The following MCTP2 variants were observed in gnomAD, a reference collection of about 807,000 sequenced individuals.
MCTP2 encodes multiple C2 and transmembrane domain containing 2, also known as multiple C2 and transmembrane domain-containing protein 2.
A neutral mutation model predicts 111.6 loss-of-function variants in MCTP2; 132 were observed. The ratio of observed to expected loss-of-function variants is 1.18; its 90% CI spans 1.03 to 1.37. The LOEUF (loss-of-function observed/expected upper bound fraction) is 1.37. Among genes scored for constraint, MCTP2 ranks in the 40% most tolerant of loss-of-function variants. MCTP2 has a pLI of 0.00. For missense variants in MCTP2, 1,183 were observed against 1,067.9 expected, an observed-to-expected ratio of 1.11 and a Z score of -1.50; for synonymous variants, 395 against 387.7, an observed-to-expected ratio of 1.02 and a Z score of -0.22.
chr15:94,244,754 C>T (rs891109816), intron 1 of MCTP2, among the ~76,000 whole-genome samples: 1 of 144,922 alleles, frequency 6.9e-6, no homozygotes, highest in Admixed American at 6.7e-5. Context: ...ACATATGCAC[C>T]TATGTTTATA....
intron 8 of MCTP2, among the ~76,000 whole-genome samples, chr15:94,354,918 T>C (rs1424424459): frequency 6.6e-6 from 1 of 152,226 alleles, no homozygotes; most frequent in Non-Finnish European, 1.5e-5. Context: ...GGAATGAATA[T>C]ATAGTGTTAG....
intron 1 of MCTP2, chr15:94,274,119 G>C (rs2074058605): frequency 6.1e-6 from 1 of 163,344 alleles, no homozygotes; most frequent in Non-Finnish European, 1.5e-5. Context: ...TGTTACCACT[G>C]GTTCAGTGAA....
At chr15:94,307,670 C>T (rs1487644066) in intron 2 of MCTP2, among the ~76,000 whole-genome samples, 7 of 152,216 alleles carry the variant, frequency 4.6e-5, no homozygotes, top group Non-Finnish European at 8.8e-5. Flanking sequence ...CGTTGGCACA[C>T]GGGCAGTGCT....
At chr15:94,390,110 A>ATATATG (rs2080856187) in intron 14 of MCTP2, among the ~76,000 whole-genome samples, 1 of 32,552 alleles carries the variant, frequency 3.1e-5, no homozygotes, top group Admixed American at 3.1e-4. Flanking sequence ...ATATATATAT[A>ATATATG]TATGTATATA....
At chr15:94,314,785 A>T (rs1272547108) in intron 3 of MCTP2, 5 of 456,850 alleles carry the variant, frequency 1.1e-5, no homozygotes, top group African/African-American at 6.0e-5. Context: ...ATACATATTC[A>T]AAAACAGACT....
chr15:94,257,994 C>G (rs964748815), intron 1 of MCTP2, among the ~76,000 whole-genome samples: 1 of 147,500 alleles, frequency 6.8e-6, no homozygotes, highest in African/African-American at 2.5e-5. Flanking sequence ...AAGCAATTCT[C>G]TTGTGTCAGC....
intron 10 of MCTP2, among the ~76,000 whole-genome samples, chr15:94,358,853 A>C (rs116721148): frequency 3.9e-4 from 59 of 152,334 alleles, no homozygotes; most frequent in African/African-American, 1.4e-3. Flanking sequence ...TATCTAAATA[A>C]AGTTAAGCTG....
chr15:94,400,368 G>A lies in MCTP2; in HGVS notation c.1965+373G>A, dbSNP rs867104614. On this transcript the variant is annotated intron_variant, in intron 16 of 22. Transcript: ENST00000357742. Reference sequence around the variant, plus strand: ...GTCCTCTGCCCTTTGAAGTTTCAGGGAGGTGCAGTGTGTGGAGTCAATCAC... The same window carrying A: ...GTCCTCTGCCCTTTGAAGTTTCAGGAAGGTGCAGTGTGTGGAGTCAATCAC... Among the ~76,000 whole-genome samples the A allele has an allele frequency of 2.6e-5, 4 of 152,224 alleles. No homozygotes were observed. The Middle Eastern group carries it at 0.014, about 518-fold the overall frequency.
chr15:94,448,641 A>G (rs1160250061), intron 19 of MCTP2, among the ~76,000 whole-genome samples: 1 of 152,238 alleles, frequency 6.6e-6, no homozygotes, highest in African/African-American at 2.4e-5. Context: ...TCTGAAATCC[A>G]GAACACTTCT....
chr15:94,331,527 G>A (rs962825868), intron 4 of MCTP2, among the ~76,000 whole-genome samples: 2 of 152,154 alleles, frequency 1.3e-5, no homozygotes, highest in African/African-American at 2.4e-5. Context: ...GGAAGAATCC[G>A]AAGACCCAGG....
chr15:94,297,459 C>T (rs1296709483), intron 1 of MCTP2, among the ~76,000 whole-genome samples: 1 of 152,130 alleles, frequency 6.6e-6, no homozygotes, highest in Non-Finnish European at 1.5e-5. Context: ...ACAAAACTCA[C>T]ATTTTTATAA....
chr15:94,300,325 C>T (rs1000756810), intron 2 of MCTP2, among the ~76,000 whole-genome samples: 26 of 151,918 alleles, frequency 1.7e-4, no homozygotes, highest in African/African-American at 3.1e-4. Context: ...CTAGCTAACA[C>T]GGTGAAACCC....
intron 1 of MCTP2, among the ~76,000 whole-genome samples, chr15:94,249,828 G>A (rs1028644576): frequency 2.6e-5 from 4 of 152,088 alleles, no homozygotes; most frequent in Non-Finnish European, 4.4e-5. Flanking sequence ...GCTGTCATGA[G>A]TTGATCTGAG....
At chr15:94,369,764 G>C (rs1334421249) in intron 11 of MCTP2, among the ~76,000 whole-genome samples, 1 of 152,160 alleles carries the variant, frequency 6.6e-6, no homozygotes, top group East Asian at 1.9e-4. Context: ...GGGGGAAAAA[G>C]AGCATCAATG....
chr15:94,429,645 G>T (rs2083072130), intron 17 of MCTP2, among the ~76,000 whole-genome samples: 1 of 152,002 alleles, frequency 6.6e-6, no homozygotes, highest in African/African-American at 2.4e-5. Context: ...CTCTAAATTT[G>T]GACTTTTGTA....
chr15:94,387,066 G>A (rs979583852), intron 14 of MCTP2, among the ~76,000 whole-genome samples: 1 of 152,036 alleles, frequency 6.6e-6, no homozygotes, highest in Non-Finnish European at 1.5e-5. Flanking sequence ...TTTGTGAAAA[G>A]CATTAGCATA....
At chr15:94,352,065 C>T (rs1467795906) in intron 8 of MCTP2, among the ~76,000 whole-genome samples, 1 of 152,206 alleles carries the variant, frequency 6.6e-6, no homozygotes, top group East Asian at 1.9e-4. Flanking sequence ...AGCTTGTCCC[C>T]AGGCCCAAAA....
At chr15:94,243,580 T>G (rs149107997) in intron 1 of MCTP2, among the ~76,000 whole-genome samples, 2,435 of 125,086 alleles carry the variant, frequency 0.019, 67 homozygotes, top group East Asian at 0.048. Flanking sequence ...TACATACGTA[T>G]GCGTATATTT....
chr15:94,417,754 A>G lies in MCTP2; in HGVS notation c.2085+15735A>G, dbSNP rs75714484. Reference sequence around the variant, plus strand: ...TTTCAATTAAGCAAATAGGTAGTCTATCTGAGTAACGGGAGACCATCCAAG... The same window carrying G: ...TTTCAATTAAGCAAATAGGTAGTCTGTCTGAGTAACGGGAGACCATCCAAG... On this transcript the variant is annotated intron_variant, in intron 17 of 22. Coordinates refer to ENST00000357742, the MANE Select transcript of MCTP2 (RefSeq NM_001385001.1). Among the ~76,000 whole-genome samples the G allele has an allele frequency of 9.7e-3, 1,470 of 152,226 alleles. 26 individuals are homozygous for G. The highest frequency in any genetic ancestry group is 0.034 in the African/African-American group (1,402 of 41,562).
Sources: allele counts gnomAD v4.1 joint callset (sites outside exome capture counted in the v4.1 genomes callset), GRCh38; gene constraint gnomAD v4.1.1; transcripts MANE v1.5; gene names NCBI Gene and HGNC (gene_info 2026-07-23, HGNC 2026-07-21).